C3orf49: variants seen among roughly 807,000 people sequenced by gnomAD.
C3orf49 encodes chromosome 3 open reading frame 49, also known as putative uncharacterized protein C3orf49.
A neutral mutation model predicts 13.3 loss-of-function variants in C3orf49; 27 were observed. The observed-to-expected ratio is 2.02, with a 90% CI of 1.49 to 2.79. C3orf49 has a LOEUF of 2.79. Ranked by LOEUF, C3orf49 falls within the 30% of genes most tolerant of loss-of-function variation. The pLI, the probability that C3orf49 is intolerant of heterozygous loss-of-function variation, is 0.00. For synonymous variants in C3orf49, 87 were observed against 47.6 expected, an observed-to-expected ratio of 1.83 and a Z score of -3.40; for missense variants, 242 against 134.2, an observed-to-expected ratio of 1.80 and a Z score of -3.97.
At chr3:63,836,631 A>C (rs939193075) in intron 5 of C3orf49, among the ~76,000 whole-genome samples, 1 of 152,024 alleles carries the variant, frequency 6.6e-6, no homozygotes, top group African/African-American at 2.4e-5. Context: ...AAGCATAAGC[A>C]AATTTAAGTT....
At chr3:63,827,503 G>T in intron 2 of C3orf49, 98 bp from the exon 3 acceptor site, 1 of 577,550 alleles carries the variant, frequency 1.7e-6, no homozygotes, top group Non-Finnish European at 3.1e-6. Flanking sequence ...CACTGAAGCA[G>T]CAAGTGATGC....
At chr3:63,807,945 G>T in the C3orf49 span, among the ~76,000 whole-genome samples, 2 of 143,480 alleles carry the variant, frequency 1.4e-5, no homozygotes, top group African/African-American at 5.1e-5. Flanking sequence ...AAGAAAAAAA[G>T]AAAAAGTGAA....
intron 5 of C3orf49, chr3:63,839,554 C>T (rs1701712176): frequency 1.0e-6 from 1 of 972,794 alleles, no homozygotes; most frequent in East Asian, 2.4e-5. Flanking sequence ...CTCCACTGTA[C>T]ATTTAAGGTG....
chr3:63,802,950 C>T, the C3orf49 span, among the ~76,000 whole-genome samples: 1 of 151,996 alleles, frequency 6.6e-6, no homozygotes, highest in Admixed American at 6.6e-5. Flanking sequence ...ACACTCTTTG[C>T]CATCATTCTG....
chr3:63,842,119 C>T (rs1701773954), intron 5 of C3orf49, among the ~76,000 whole-genome samples: 1 of 152,048 alleles, frequency 6.6e-6, no homozygotes, highest in African/African-American at 2.4e-5. Flanking sequence ...AATGTCCCCT[C>T]CAAAACTCAT....
chr3:63,819,615 C>T lies in C3orf49; in HGVS notation c.125+19C>T, dbSNP rs1489428928. ...TAGAAAGGTAACAGAGATTCATTTC[C>T]TTTTCTGTCAAATGAGAGTCTTTGG... On this transcript the variant is annotated intron_variant, in intron 1 of 6. Transcript: ENST00000295896. The T allele has an allele frequency of 1.4e-6, 1 of 703,062 alleles. No homozygotes were observed. Among genetic ancestry groups the T allele is most frequent in the Non-Finnish European group, 2.6e-6 (1 of 384,824 alleles). 43.6% of individuals were successfully genotyped at this position (703,062 alleles called of 1,614,324 possible).
chr3:63,836,683 C>A (rs558797491), intron 5 of C3orf49, among the ~76,000 whole-genome samples: 11 of 152,044 alleles, frequency 7.2e-5, no homozygotes, highest in African/African-American at 2.6e-4. Flanking sequence ...AAGGATCTTA[C>A]TCACTAGTTG....
At chr3:63,830,832 C>A (rs151162139) in intron 3 of C3orf49, among the ~76,000 whole-genome samples, 8 of 152,176 alleles carry the variant, frequency 5.3e-5, no homozygotes. Flanking sequence ...CTTCCCCTTA[C>A]GAATGACCTG....
chr3:63,845,740 A>G (rs985177251), intron 6 of C3orf49, among the ~76,000 whole-genome samples: 4 of 152,194 alleles, frequency 2.6e-5, no homozygotes, highest in African/African-American at 9.7e-5. Context: ...TGGCTTTGGA[A>G]GACCCAATAT....
At chr3:63,796,230 G>A in the C3orf49 span, among the ~76,000 whole-genome samples, 1 of 152,088 alleles carries the variant, frequency 6.6e-6, no homozygotes, top group Admixed American at 6.6e-5. Context: ...CACCTGGACT[G>A]TGGCAGTCAC....
the C3orf49 span, among the ~76,000 whole-genome samples, chr3:63,800,112 G>A: frequency 6.6e-6 from 1 of 152,140 alleles, no homozygotes; most frequent in Non-Finnish European, 1.5e-5. Context: ...TTGAGGCAAA[G>A]GTATGTTTGA....
the C3orf49 span, among the ~76,000 whole-genome samples, chr3:63,800,243 C>T: frequency 1.3e-5 from 2 of 152,190 alleles, no homozygotes; most frequent in South Asian, 2.1e-4. Context: ...ACCTCCAAAA[C>T]GGTATCCTCT....
At chr3:63,834,002 A>G (rs1046827178) in intron 5 of C3orf49, 6 of 775,292 alleles carry the variant, frequency 7.7e-6, no homozygotes, top group African/African-American at 3.6e-5. Context: ...TGAATGAAAT[A>G]CATTCATACT....
chr3:63,845,933 CTA>C (rs1701883967), intron 6 of C3orf49, among the ~76,000 whole-genome samples: 1 of 152,172 alleles, frequency 6.6e-6, no homozygotes, highest in Non-Finnish European at 1.5e-5. Context: ...ATGAAAAAGA[CTA>C]TTCATCTAAG....
At chr3:63,828,893 T>C (rs1453488042) in intron 3 of C3orf49, among the ~76,000 whole-genome samples, 1 of 152,204 alleles carries the variant, frequency 6.6e-6, no homozygotes, top group South Asian at 2.1e-4. Context: ...GTAATTGCCA[T>C]GCTACAGACT....
chr3:63,795,390 A>T, the C3orf49 span, among the ~76,000 whole-genome samples: 1 of 152,164 alleles, frequency 6.6e-6, no homozygotes, highest in Non-Finnish European at 1.5e-5. Flanking sequence ...TTCGTTTTCA[A>T]TTAATGCCTG....
the C3orf49 span, among the ~76,000 whole-genome samples, chr3:63,782,048 C>G: frequency 6.6e-6 from 1 of 152,268 alleles, no homozygotes; most frequent in Admixed American, 6.5e-5. Context: ...CTGTAAGAAC[C>G]AGCTTCTTAC....
the C3orf49 span, among the ~76,000 whole-genome samples, chr3:63,801,480 A>C: frequency 9.4e-4 from 143 of 152,312 alleles, no homozygotes; most frequent in African/African-American, 3.2e-3. Context: ...TAATTAAATA[A>C]TCACACAAAT....
At chr3:63,839,801 T>C in intron 5 of C3orf49, 3 of 1,582,564 alleles carry the variant, frequency 1.9e-6, no homozygotes, top group Non-Finnish European at 2.6e-6. Context: ...AATGTTACCA[T>C]CTGGCTCTTG....
Sources: gnomAD v4.1 joint callset for allele counts (sites outside exome capture counted in the v4.1 genomes callset) on GRCh38, gnomAD v4.1.1 for gene constraint, MANE v1.5 for transcripts, NCBI Gene and HGNC (gene_info 2026-07-23, HGNC 2026-07-21) for gene names.